The following LDB2 variants were observed in gnomAD, a reference collection of about 807,000 sequenced individuals.
LDB2 encodes LIM domain binding 2.
LDB2 carries 12 observed loss-of-function variants against 44.3 expected under a neutral mutation model. The ratio of observed to expected loss-of-function variants is 0.27; its 90% CI spans 0.17 to 0.44. LDB2 has a LOEUF of 0.44. Among genes scored for constraint, LDB2 ranks in the 20% least tolerant of loss-of-function variants. The probability of loss-of-function intolerance (pLI) is 1.00; values close to 1 mark genes in which losing one functional copy is unlikely to be tolerated. For missense variants in LDB2, 344 were observed against 473.5 expected (o/e 0.73, Z 2.54); for synonymous variants, 164 against 174.8 (o/e 0.94, Z 0.49).
chr4:16,663,082 T>A (rs1209718115), intron 2 of LDB2, among the ~76,000 whole-genome samples: 1 of 152,102 alleles, frequency 6.6e-6, no homozygotes, highest in Non-Finnish European at 1.5e-5. Context: ...AAGCTTTTCT[T>A]CTAGGGAGCT....
At chr4:16,633,677 G>T (rs1732689028) in intron 2 of LDB2, among the ~76,000 whole-genome samples, 1 of 152,148 alleles carries the variant, frequency 6.6e-6, no homozygotes, top group Admixed American at 6.5e-5. Flanking sequence ...CATGAAAATG[G>T]CCTCACTGCC....
intron 2 of LDB2, among the ~76,000 whole-genome samples, chr4:16,670,801 C>T (rs1445336125): frequency 2.0e-5 from 3 of 152,168 alleles, no homozygotes; most frequent in African/African-American, 2.4e-5. Flanking sequence ...ATATGTCGCT[C>T]ATAAGAGAAG....
chr4:16,750,540 CTT>C (rs778092493), intron 2 of LDB2, among the ~76,000 whole-genome samples: 31 of 151,988 alleles, frequency 2.0e-4, no homozygotes, highest in Admixed American at 1.6e-3. Flanking sequence ...AGAAGCAAGA[CTT>C]ATGAATAAGA....
chr4:16,746,557 C>T (rs188158188), intron 2 of LDB2, among the ~76,000 whole-genome samples: 21 of 152,216 alleles, frequency 1.4e-4, no homozygotes, highest in East Asian at 9.7e-4. Flanking sequence ...GAGGCCAAGG[C>T]GGCCCACTCA....
chr4:16,882,386 T>C (rs1294377379), intron 1 of LDB2, among the ~76,000 whole-genome samples: 1 of 152,118 alleles, frequency 6.6e-6, no homozygotes, highest in Non-Finnish European at 1.5e-5. Context: ...TCTTCTCTCC[T>C]TTTCAGCAGA....
intron 2 of LDB2, among the ~76,000 whole-genome samples, chr4:16,640,015 T>G (rs958433648): frequency 1.3e-5 from 2 of 152,226 alleles, no homozygotes; most frequent in African/African-American, 4.8e-5. Flanking sequence ...AATTCCCAAA[T>G]TTTCATCTAT....
At chr4:16,553,482 T>G (rs1014764761) in intron 5 of LDB2, among the ~76,000 whole-genome samples, 2 of 152,290 alleles carry the variant, frequency 1.3e-5, no homozygotes, top group East Asian at 3.9e-4. Context: ...ATATTTTTAT[T>G]GTCTCCATTT....
At chr4:16,699,017 G>A (rs1429548541) in intron 2 of LDB2, among the ~76,000 whole-genome samples, 1 of 152,110 alleles carries the variant, frequency 6.6e-6, no homozygotes, top group Non-Finnish European at 1.5e-5. Context: ...TCAGGAATTG[G>A]GCATCTTATT....
At chr4:16,646,463 C>A (rs530487797) in intron 2 of LDB2, among the ~76,000 whole-genome samples, 1 of 152,160 alleles carries the variant, frequency 6.6e-6, no homozygotes, top group Non-Finnish European at 1.5e-5. Flanking sequence ...CTTTCCCATG[C>A]GTTCAACTTT....
intron 2 of LDB2, among the ~76,000 whole-genome samples, chr4:16,703,178 T>C (rs2645251): frequency 0.51 from 77,491 of 151,832 alleles, 20,035 homozygotes; most frequent in East Asian, 0.78. Context: ...TGGGCCATAA[T>C]AGATGAAACA....
intron 2 of LDB2, among the ~76,000 whole-genome samples, chr4:16,648,408 G>A (rs1578461952): frequency 6.6e-6 from 1 of 152,306 alleles, no homozygotes; most frequent in East Asian, 1.9e-4. Context: ...TAAGGTGTGT[G>A]CCCTTGGTCA....
chr4:16,623,619 A>T (rs1339770804), intron 2 of LDB2, among the ~76,000 whole-genome samples: 1 of 141,554 alleles, frequency 7.1e-6, no homozygotes, highest in Non-Finnish European at 1.5e-5. Context: ...ATAAATAAAT[A>T]AAAATAAAAT....
At chr4:16,777,381 A>C (rs1006191225) in intron 1 of LDB2, among the ~76,000 whole-genome samples, 17 of 152,116 alleles carry the variant, frequency 1.1e-4, no homozygotes, top group African/African-American at 3.9e-4. Context: ...ATGAGGAAAC[A>C]GCAAGTACAA....
At position 16,897,932 on chromosome 4, in the gene LDB2, ATATATACACATATG is replaced by A. The variant is rs1301278836; in HGVS notation, c.132+408_132+421del. ...TATATATATATATATATATATATATATATATACACATATGTATATATATATATATATATATATAT... is the reference window on the plus strand; with the variant it reads ...TATATATATATATATATATATATATATATATATATATATATATATATATAT... On this transcript the variant is annotated intron_variant, in intron 1 of 7. Coordinates refer to ENST00000304523, the MANE Select transcript of LDB2 (RefSeq NM_001290.5). 9.0e-4 allele frequency among the ~76,000 whole-genome samples: 16 copies of A among 17,708 alleles called. 1 individual carries two copies. The highest frequency in any genetic ancestry group is 5.3e-3 in the African/African-American group (14 of 2,632). The allele number at this position is 17,708 out of a possible 152,430, so 11.6% of individuals were successfully genotyped here.
intron 2 of LDB2, among the ~76,000 whole-genome samples, chr4:16,668,863 T>TC (rs1439714560): frequency 6.6e-6 from 1 of 152,138 alleles, no homozygotes; most frequent in Non-Finnish European, 1.5e-5. Flanking sequence ...TAAGGGTGAC[T>TC]CCCCCAGTGC....
chr4:16,697,504 C>A (rs1752452424), intron 2 of LDB2, among the ~76,000 whole-genome samples: 1 of 152,056 alleles, frequency 6.6e-6, no homozygotes, highest in Admixed American at 6.5e-5. Flanking sequence ...TGAAATTCCC[C>A]ACCACGGCTT....
At chr4:16,769,969 C>T (rs1770287757) in intron 1 of LDB2, among the ~76,000 whole-genome samples, 1 of 152,120 alleles carries the variant, frequency 6.6e-6, no homozygotes, top group African/African-American at 2.4e-5. Flanking sequence ...TGGTTTTCCC[C>T]CCAAAGACCT....
chr4:16,603,386 G>A (rs544053239), intron 2 of LDB2, among the ~76,000 whole-genome samples: 1 of 152,278 alleles, frequency 6.6e-6, no homozygotes, highest in Non-Finnish European at 1.5e-5. Context: ...AGGCACAGAG[G>A]GCGCAGCAAG....
chr4:16,545,607 G>C (rs1047054709), intron 5 of LDB2, among the ~76,000 whole-genome samples: 1 of 152,156 alleles, frequency 6.6e-6, no homozygotes, highest in Non-Finnish European at 1.5e-5. Context: ...GTATTCACCA[G>C]CAAAGTATTT....
Sources: allele counts gnomAD v4.1 joint callset (sites outside exome capture counted in the v4.1 genomes callset), GRCh38; gene constraint gnomAD v4.1.1; transcripts MANE v1.5; gene names NCBI Gene and HGNC (gene_info 2026-07-23, HGNC 2026-07-21).